TTC39B: variants seen among roughly 807,000 people sequenced by gnomAD.
TTC39B encodes tetratricopeptide repeat protein 39B.
A neutral mutation model predicts 96.6 loss-of-function variants in TTC39B; 92 were observed. That is an observed-to-expected ratio of 0.95 (90% CI 0.80 to 1.13). The LOEUF is 1.13. Among genes scored for constraint, TTC39B ranks in the 50% most tolerant of loss-of-function variants. The pLI is 0.00. For synonymous variants in TTC39B, 367 were observed against 299.4 expected (o/e 1.23, Z -2.33); for missense variants, 955 against 809.3 (o/e 1.18, Z -2.18).
intron 6 of TTC39B, among the ~76,000 whole-genome samples, chr9:15,208,059 T>A (rs1819978440): frequency 2.6e-5 from 4 of 150,982 alleles, no homozygotes; most frequent in Admixed American, 2.6e-4. Context: ...AGACAGAGTA[T>A]TACTCTGTCA....
At chr9:15,212,451 G>A (rs2131353906) in intron 4 of TTC39B, among the ~76,000 whole-genome samples, 1 of 151,760 alleles carries the variant, frequency 6.6e-6, no homozygotes, top group Middle Eastern at 3.4e-3. Context: ...TTGAGACAGA[G>A]CTTCGCTCTT....
chr9:15,271,305 T>C (rs1244313087), intron 1 of TTC39B, among the ~76,000 whole-genome samples: 1 of 152,186 alleles, frequency 6.6e-6, no homozygotes, highest in East Asian at 1.9e-4. Context: ...AGTTACATGT[T>C]GACTTACAGG....
intron 2 of TTC39B, among the ~76,000 whole-genome samples, chr9:15,264,729 CTA>C (rs138797791): frequency 0.023 from 3,303 of 141,780 alleles, 63 homozygotes; most frequent in African/African-American, 0.05. Flanking sequence ...AACAATTTTA[CTA>C]TATATATATA....
intron 2 of TTC39B, among the ~76,000 whole-genome samples, chr9:15,255,498 C>T (rs1055935035): frequency 5.9e-5 from 9 of 151,898 alleles, no homozygotes; most frequent in Non-Finnish European, 1.5e-5. Flanking sequence ...GACAAAGCTC[C>T]CAAGTATATG....
intron 3 of TTC39B, among the ~76,000 whole-genome samples, chr9:15,216,096 C>T (rs74680417): frequency 0.089 from 13,593 of 152,156 alleles, 760 homozygotes; most frequent in Non-Finnish European, 0.13. Flanking sequence ...TCTAATCTAA[C>T]GCAGAGCAGC....
rs142672136 is a variant in TTC39B, at chr9:15,219,847, C to A, written c.372-5598G>T. ...GAGCTAGTAGGGCAGGCTCTACTGC[C>A]CCACACCGCCCAACCATGACCCTCA... On this transcript the variant is annotated intron_variant, in intron 3 of 19. Coordinates refer to ENST00000512701, the Ensembl canonical transcript of TTC39B. Among the ~76,000 whole-genome samples the A allele has an allele frequency of 3.4e-3, 511 of 152,266 alleles. 4 individuals are homozygous for A. Among genetic ancestry groups the A allele is most frequent in the African/African-American group, 0.012 (482 of 41,544 alleles).
At chr9:15,245,161 G>A (rs1040876833) in intron 2 of TTC39B, among the ~76,000 whole-genome samples, 1 of 152,170 alleles carries the variant, frequency 6.6e-6, no homozygotes, top group African/African-American at 2.4e-5. Flanking sequence ...TCTTCCTGAT[G>A]CAATTAGCCC....
At chr9:15,180,491 T>C (rs1391612082) in intron 17 of TTC39B, among the ~76,000 whole-genome samples, 2 of 152,242 alleles carry the variant, frequency 1.3e-5, no homozygotes, top group South Asian at 4.1e-4. Flanking sequence ...CAGCATTTAA[T>C]AACTATGGCC....
chr9:15,186,772 T>G (rs764013843), intron 15 of TTC39B, 172 bp downstream of exon 15: 3 of 598,654 alleles, frequency 5.0e-6, no homozygotes, highest in Non-Finnish European at 6.0e-6. Context: ...TCAGCTCACT[T>G]GCAACCTCCA....
rs546430282 is a variant in TTC39B, at chr9:15,197,218, T to C, written c.824+2643A>G. Among the ~76,000 whole-genome samples the C allele has an allele frequency of 3.9e-5, 6 of 152,368 alleles. No individual in the cohort carries two copies. The South Asian group carries it at 1.2e-3, about 32-fold the overall frequency. On this transcript the variant is annotated intron_variant, in intron 8 of 19. Transcript: ENST00000512701. The stretch of plus-strand genomic sequence containing the variant: ...TGGAACCCAAAATATCTCTGAGGTA[T>C]ACCTGTATGTCTTTGCCTCTACAGT...
chr9:15,282,782 G>T (rs1823815405), intron 1 of TTC39B, among the ~76,000 whole-genome samples: 1 of 152,012 alleles, frequency 6.6e-6, no homozygotes, highest in Admixed American at 6.6e-5. Flanking sequence ...CTCACCCAAG[G>T]TCACAAAGCA....
At chr9:15,198,520 A>T (rs1343166676) in intron 8 of TTC39B, among the ~76,000 whole-genome samples, 1 of 150,664 alleles carries the variant, frequency 6.6e-6, no homozygotes, top group Non-Finnish European at 1.5e-5. Flanking sequence ...ATGAAATTAC[A>T]CTTTTGCAAA....
At chr9:15,190,345 G>T (rs1346213864) in intron 11 of TTC39B, among the ~76,000 whole-genome samples, 3 of 151,374 alleles carry the variant, frequency 2.0e-5, no homozygotes, top group Non-Finnish European at 4.4e-5. Context: ...GTCTTGTTTT[G>T]TTTTTTTTAA....
chr9:15,204,768 C>A (rs1191341004), intron 6 of TTC39B, among the ~76,000 whole-genome samples: 1 of 152,074 alleles, frequency 6.6e-6, no homozygotes, highest in Non-Finnish European at 1.5e-5. Context: ...GGTAGCACTA[C>A]CCCAGTTTCA....
intron 1 of TTC39B, among the ~76,000 whole-genome samples, chr9:15,275,766 G>A (rs1823520384): frequency 6.6e-6 from 1 of 152,188 alleles, no homozygotes; most frequent in South Asian, 2.1e-4. Context: ...CTACAGTTGA[G>A]AGAACAATAA....
In TTC39B at chr9:15,165,775, C is replaced by A. The variant is rs554566523; in HGVS notation, c.*6244G>T. The stretch of plus-strand genomic sequence containing the variant: ...AGAATAGCATGGGGAAAACTGCCCC[C>A]ATGATTCAGTCACCTCCCACTGGGT... On this transcript the variant is annotated 3_prime_UTR_variant, in exon 20 of 20. Coordinates refer to ENST00000512701, the Ensembl canonical transcript of TTC39B. 2.0e-5 allele frequency: 3 copies of A among 152,324 alleles called. No individual in the cohort carries two copies. In the East Asian group the frequency reaches 5.8e-4, roughly 29 times the overall value. 9.4% of individuals were successfully genotyped at this position (152,324 alleles called of 1,614,324 possible).
rs374110332 is a variant in TTC39B, at chr9:15,194,605, CTG to C, written c.825-1912_825-1911del. On this transcript the variant is annotated intron_variant, in intron 8 of 19. Transcript: ENST00000512701. ...TACAAATTGAAGATTTGTGGCAACT[CTG>C]TGTTGAGCAAGTCTATCGATGCCAT... is the stretch of plus-strand genomic sequence containing the variant. Among the ~76,000 whole-genome samples the C allele has an allele frequency of 4.3e-3, 654 of 152,304 alleles. 8 individuals are homozygous for C. The highest frequency in any genetic ancestry group is 0.015 in the African/African-American group (617 of 41,570).
intron 16 of TTC39B, among the ~76,000 whole-genome samples, chr9:15,184,354 A>G (rs1818406350): frequency 6.6e-6 from 1 of 151,864 alleles, no homozygotes; most frequent in Non-Finnish European, 1.5e-5. Context: ...ATTGCAGTGT[A>G]TAATTGTAAA....
chr9:15,222,457 T>C (rs1820898785), intron 3 of TTC39B, among the ~76,000 whole-genome samples: 1 of 152,212 alleles, frequency 6.6e-6, no homozygotes, highest in Non-Finnish European at 1.5e-5. Context: ...CAACTCCCTC[T>C]ATCCTACATT....
Sources: gnomAD v4.1 joint callset for allele counts (sites outside exome capture counted in the v4.1 genomes callset) on GRCh38, gnomAD v4.1.1 for gene constraint, MANE v1.5 for transcripts, NCBI Gene and HGNC (gene_info 2026-07-23, HGNC 2026-07-21) for gene names.